SDK1: variants seen among roughly 807,000 people sequenced by gnomAD.
SDK1 encodes sidekick cell adhesion molecule 1, also known as protein sidekick-1.
SDK1 carries 157 observed loss-of-function variants against 245.5 expected under a neutral mutation model. The ratio of observed to expected loss-of-function variants is 0.64; its 90% CI spans 0.56 to 0.73. The LOEUF (loss-of-function observed/expected upper bound fraction) is 0.73, where lower values mean the gene tolerates loss of function less well. SDK1 is among the 30% of genes least tolerant of loss of function. SDK1 has a pLI of 0.00. For synonymous variants in SDK1, 1,647 were observed against 1,278.5 expected, an observed-to-expected ratio of 1.29 and a Z score of -6.15; for missense variants, 3,583 against 3,002.3, an observed-to-expected ratio of 1.19 and a Z score of -4.52.
chr7:3,797,740 A>G (rs1472638312), intron 4 of SDK1, among the ~76,000 whole-genome samples: 1 of 152,148 alleles, frequency 6.6e-6, no homozygotes, highest in African/African-American at 2.4e-5. Context: ...AAGGATCTAA[A>G]TTTTTTTAAA....
chr7:3,670,303 A>T (rs1322491945), intron 4 of SDK1, among the ~76,000 whole-genome samples: 1 of 151,992 alleles, frequency 6.6e-6, no homozygotes, highest in East Asian at 1.9e-4. Flanking sequence ...TCCCTTATCT[A>T]CCTAAATTTT....
chr7:3,619,785 T>G (rs76693600), intron 2 of SDK1, among the ~76,000 whole-genome samples: 5,560 of 152,292 alleles, frequency 0.037, 276 homozygotes, highest in African/African-American at 0.11. Context: ...ACTGTGCCAG[T>G]CACCAGGGAT....
intron 30 of SDK1, among the ~76,000 whole-genome samples, 200 bp downstream of exon 30, chr7:4,149,663 A>G (rs955135318): frequency 1.3e-5 from 2 of 152,084 alleles, no homozygotes; most frequent in Admixed American, 1.3e-4. Context: ...GCCCACCCCC[A>G]GCCGCTTCCC....
At chr7:3,862,230 A>G (rs1213571634) in intron 5 of SDK1, among the ~76,000 whole-genome samples, 6 of 152,236 alleles carry the variant, frequency 3.9e-5, no homozygotes, top group Non-Finnish European at 8.8e-5. Flanking sequence ...GGAAAGTCCC[A>G]GAAAACACTC....
intron 5 of SDK1, among the ~76,000 whole-genome samples, chr7:3,929,355 C>G (rs370904915): frequency 1.3e-5 from 2 of 152,208 alleles, no homozygotes; most frequent in African/African-American, 4.8e-5. Flanking sequence ...TCTTCATGCA[C>G]CAGGCACTCA....
Position 3,987,190 on chromosome 7 carries a change from C to T in SDK1, c.1999C>T (p.Leu667=). 1 of 1,613,916 alleles carries T rather than the reference C, an allele frequency of 6.2e-7. No homozygotes were observed. The highest frequency in any genetic ancestry group is 8.5e-7 in the Non-Finnish European group (1 of 1,179,936). The change falls in exon 14 of 45, where the codon CTG becomes TTG. Residue 667 remains leucine, a synonymous_variant. Coordinates refer to ENST00000404826, the MANE Select transcript of SDK1 (RefSeq NM_152744.4). ...SRMARLEVIE[L]PHSPQNLLVS... ...TTTCATCCCATTCAATTCAAGTGAA[C>T]TGCCTCATTCACCTCAGAACCTCCT...
In SDK1 at chr7:3,821,477, G is replaced by C; in HGVS notation, c.741G>C (p.Val247=). The change falls in exon 5 of 45, where the codon GTG becomes GTC. Residue 247 remains valine (V), a synonymous_variant. Coordinates refer to ENST00000404826, the MANE Select transcript of SDK1 (RefSeq NM_152744.4). ...CCATCACATTGGAGAATCAGCTGGT[G>C]ATCCTCGCCACCACAACCAGTGATG... The part of the protein sequence containing the change: ...RIAITLENQL[V]ILATTTSDAG... 1 of 1,613,556 alleles carries C rather than the reference G, an allele frequency of 6.2e-7. No homozygotes were observed. The highest frequency in any genetic ancestry group is 1.1e-5 in the South Asian group (1 of 90,962).
At chr7:3,322,463 C>T (rs780103447) in intron 1 of SDK1, among the ~76,000 whole-genome samples, 5 of 152,110 alleles carry the variant, frequency 3.3e-5, no homozygotes, top group Non-Finnish European at 7.4e-5. Flanking sequence ...TGTTTGAACA[C>T]CTGTTTTCTC....
rs1309459231 is a variant in SDK1, at chr7:4,042,014, A to C, written c.2603-7334A>C. On this transcript the variant is annotated intron_variant, in intron 17 of 44. Transcript: ENST00000404826. ...TTTTTAGTAGAGGTGGGGTTTCATC[A>C]TGTTGGCCCGGATGGTCTCTATCTC... Among the ~76,000 whole-genome samples, 3 of 135,220 alleles carry C rather than the reference A, an allele frequency of 2.2e-5. 1 individual carries two copies. Among genetic ancestry groups the C allele is most frequent in the Non-Finnish European group, 4.6e-5 (3 of 65,662 alleles). 88.7% of individuals were successfully genotyped at this position (135,220 alleles called of 152,430 possible).
At chr7:4,000,718 C>T (rs1047383373) in intron 14 of SDK1, among the ~76,000 whole-genome samples, 2 of 152,222 alleles carry the variant, frequency 1.3e-5, no homozygotes, top group Admixed American at 1.3e-4. Flanking sequence ...GTTCTTCATG[C>T]TTCAAATATT....
At chr7:3,314,071 A>G (rs1269432590) in intron 1 of SDK1, among the ~76,000 whole-genome samples, 1 of 152,224 alleles carries the variant, frequency 6.6e-6, no homozygotes, top group Admixed American at 6.5e-5. Flanking sequence ...CAAAAAATAC[A>G]GCGCCAATGT....
intron 4 of SDK1, among the ~76,000 whole-genome samples, chr7:3,658,242 C>G (rs1478305616): frequency 6.6e-6 from 1 of 152,136 alleles, no homozygotes; most frequent in Non-Finnish European, 1.5e-5. Flanking sequence ...TCATGAGGGC[C>G]CATTCTTTGC....
intron 5 of SDK1, among the ~76,000 whole-genome samples, chr7:3,837,518 A>G (rs1404202228): frequency 1.3e-5 from 2 of 152,206 alleles, no homozygotes; most frequent in African/African-American, 4.8e-5. Flanking sequence ...CTAGGGGCAG[A>G]TGTTTTTGGA....
intron 42 of SDK1, among the ~76,000 whole-genome samples, chr7:4,239,664 G>T (rs1021225728): frequency 6.6e-6 from 1 of 152,146 alleles, no homozygotes; most frequent in South Asian, 2.1e-4. Context: ...CACGGCGCCC[G>T]GCCTATGGCC....
At chr7:3,747,394 C>T (rs1304733898) in intron 4 of SDK1, among the ~76,000 whole-genome samples, 1 of 151,682 alleles carries the variant, frequency 6.6e-6, no homozygotes, top group Non-Finnish European at 1.5e-5. Flanking sequence ...TTATTGAAGG[C>T]ATTCAAAGTG....
rs933229829 is a variant in SDK1 at position 3,626,109 on chromosome 7, AT to A, written c.458+6883del. Reference sequence around the variant, plus strand: ...CAAATGGGTGCCACCACAACTAGCTATTTTTTTTTTTTTAGACACAGGGTCT... The same window carrying A: ...CAAATGGGTGCCACCACAACTAGCTATTTTTTTTTTTTAGACACAGGGTCT... On this transcript the variant is annotated intron_variant, in intron 2 of 44. Coordinates refer to ENST00000404826, the MANE Select transcript of SDK1 (RefSeq NM_152744.4). Among the ~76,000 whole-genome samples, 805 of 137,944 alleles carry A rather than the reference AT, an allele frequency of 5.8e-3. 3 individuals carry two copies. The highest frequency in any genetic ancestry group is 9.9e-3 in the African/African-American group (360 of 36,384). 90.5% of individuals were successfully genotyped at this position (137,944 alleles called of 152,430 possible).
At chr7:3,403,838 TATATATATATA>T (rs1562466006) in intron 1 of SDK1, among the ~76,000 whole-genome samples, 1 of 57,036 alleles carries the variant, frequency 1.8e-5, no homozygotes, top group African/African-American at 1.6e-4. Context: ...TATATATATA[TATATATATATA>T]TATATATATA....
At chr7:3,508,750 C>T (rs1432825873) in intron 1 of SDK1, among the ~76,000 whole-genome samples, 1 of 152,164 alleles carries the variant, frequency 6.6e-6, no homozygotes, top group Non-Finnish European at 1.5e-5. Flanking sequence ...TTGAAATTGC[C>T]TTGTAGTGCA....
At chr7:3,522,731 A>G (rs1298325629) in intron 1 of SDK1, among the ~76,000 whole-genome samples, 1 of 152,170 alleles carries the variant, frequency 6.6e-6, no homozygotes, top group Admixed American at 6.5e-5. Context: ...CAGAGGTGCT[A>G]TCCTAAATCA....
Sources: allele counts gnomAD v4.1 joint callset (sites outside exome capture counted in the v4.1 genomes callset), GRCh38; gene constraint gnomAD v4.1.1; transcripts MANE v1.5; gene names NCBI Gene and HGNC (gene_info 2026-07-23, HGNC 2026-07-21).